Variants in EED observed in about 807,000 individuals in gnomAD.
EED encodes the protein polycomb protein EED.
A neutral mutation model predicts 61.0 loss-of-function variants in EED; 9 were observed. The ratio of observed to expected loss-of-function variants is 0.15; its 90% CI spans 0.09 to 0.26. EED has a LOEUF of 0.26. Among genes scored for constraint, EED ranks in the 10% least tolerant of loss-of-function variants. EED has a pLI of 1.00. For synonymous variants in EED, 187 were observed against 174.4 expected (o/e 1.07, Z -0.57); for missense variants, 315 against 542.3 (o/e 0.58, Z 4.16).
downstream of EED, among the ~76,000 whole-genome samples, chr11:86,281,242 A>G (rs1469633292): frequency 6.6e-6 from 1 of 152,174 alleles, no homozygotes; most frequent in Non-Finnish European, 1.5e-5. Context: ...AATTCTTTAA[A>G]TGTTTAATAG....
intron 9 of EED, among the ~76,000 whole-genome samples, chr11:86,271,434 C>CTA (rs1191891534): frequency 6.6e-6 from 1 of 152,178 alleles, no homozygotes; most frequent in Non-Finnish European, 1.5e-5. Flanking sequence ...TCTCTGTAGA[C>CTA]TATCATGTGA....
rs546151200 is a variant in EED at position 86,245,426 on chromosome 11, G to A, written c.114+83G>A. The A allele has an allele frequency of 3.1e-4, 365 of 1,162,148 alleles. 6 individuals are homozygous for A. The South Asian group carries it at 4.7e-3, about 15-fold the overall frequency. 72.0% of individuals were successfully genotyped at this position (1,162,148 alleles called of 1,614,324 possible). ...AAACGGGGGGCGCGGGGACGAGCGGGCTGCTGTGGGGGGAGGGAGAGGTGT... is the reference window on the plus strand; with the variant it reads ...AAACGGGGGGCGCGGGGACGAGCGGACTGCTGTGGGGGGAGGGAGAGGTGT... On this transcript the variant is annotated intron_variant, in intron 1 of 11. Transcript: ENST00000263360.
chr11:86,260,070 C>T (rs1945787844), intron 6 of EED, among the ~76,000 whole-genome samples: 1 of 152,112 alleles, frequency 6.6e-6, no homozygotes, highest in Non-Finnish European at 1.5e-5. Flanking sequence ...AAAGCTTGTA[C>T]AAAATTGAAA....
At chr11:86,287,040 G>A in the EED span, among the ~76,000 whole-genome samples, 12 of 144,862 alleles carry the variant, frequency 8.3e-5, no homozygotes, top group African/African-American at 3.0e-4. Flanking sequence ...CATATAGAAA[G>A]TCCCATGAAA....
At chr11:86,246,866 A>T (rs1341758339) in intron 1 of EED, among the ~76,000 whole-genome samples, 2 of 152,188 alleles carry the variant, frequency 1.3e-5, no homozygotes, top group African/African-American at 4.8e-5. Context: ...AAAAATGAGG[A>T]TGGTGGTGTA....
At chr11:86,279,545 A>G (rs549212522), downstream of EED, among the ~76,000 whole-genome samples, 51 of 152,364 alleles carry the variant, frequency 3.3e-4, no homozygotes, top group African/African-American at 1.1e-3. Context: ...CTTGAAGCAG[A>G]GGAGTGAAGA....
At chr11:86,262,155 T>A (rs1432686230) in intron 6 of EED, among the ~76,000 whole-genome samples, 1 of 152,168 alleles carries the variant, frequency 6.6e-6, no homozygotes, top group Non-Finnish European at 1.5e-5. Context: ...GTGTTGGGAT[T>A]ACAGGTGTGA....
At position 86,250,468 on chromosome 11, in the gene EED, C is replaced by G. The variant is rs144648188; in HGVS notation, c.267+20C>G. The G allele has an allele frequency of 2.0e-3, 3,019 of 1,542,076 alleles. 4 individuals are homozygous for G. Among genetic ancestry groups the G allele is most frequent in the Non-Finnish European group, 2.5e-3 (2,824 of 1,146,008 alleles). ...CTCAAGGTATGTGCAAAAAAAGATC[C>G]TTTGGGCTGAATGCTAGGCTTCAGA... On this transcript the variant is annotated intron_variant, in intron 2 of 11. Transcript: ENST00000263360.
intron 9 of EED, among the ~76,000 whole-genome samples, chr11:86,271,958 G>GT (rs1946122397): frequency 1.6e-5 from 2 of 127,832 alleles, no homozygotes; most frequent in African/African-American, 2.9e-5. Flanking sequence ...TTTTGGTACT[G>GT]TTTTTTCTGG....
At chr11:86,272,533 C>T (rs1336555275) in intron 9 of EED, among the ~76,000 whole-genome samples, 2 of 152,110 alleles carry the variant, frequency 1.3e-5, no homozygotes, top group African/African-American at 2.4e-5. Context: ...TTGATGATGT[C>T]GAATTCTTCT....
chr11:86,272,428 A>C (rs1946139690), intron 9 of EED, among the ~76,000 whole-genome samples: 1 of 151,978 alleles, frequency 6.6e-6, no homozygotes, highest in Non-Finnish European at 1.5e-5. Context: ...AGTTTTTGAG[A>C]ATTTGTTTTA....
chr11:86,281,292 G>A (rs762702769), downstream of EED, among the ~76,000 whole-genome samples: 2 of 152,204 alleles, frequency 1.3e-5, no homozygotes, highest in Non-Finnish European at 2.9e-5. Context: ...TTTGATGAGA[G>A]ACTTGGTGTA....
chr11:86,257,440 A>G (rs1415970123), intron 5 of EED, 75 bp from the exon 6 acceptor site: 33 of 1,194,662 alleles, frequency 2.8e-5, no homozygotes, highest in Non-Finnish European at 3.7e-5. Flanking sequence ...CTATTTTTAC[A>G]TTCTCTAAAG....
intron 6 of EED, among the ~76,000 whole-genome samples, chr11:86,260,097 A>G (rs75431826): frequency 0.031 from 4,760 of 152,348 alleles, 243 homozygotes; most frequent in African/African-American, 0.11. Flanking sequence ...AATCATTTTT[A>G]CAGCACTGTT....
chr11:86,246,150 G>C (rs1205430597), intron 1 of EED, among the ~76,000 whole-genome samples: 1 of 152,128 alleles, frequency 6.6e-6, no homozygotes, highest in Non-Finnish European at 1.5e-5. Flanking sequence ...GTAATCATTC[G>C]GTACCAACAT....
chr11:86,256,359 T>G, intron 4 of EED, 28 bp from the exon 5 acceptor site: 2 of 1,507,654 alleles, frequency 1.3e-6, no homozygotes, highest in Non-Finnish European at 1.8e-6. Context: ...TCAAAAACAT[T>G]ATGTTTCTTA....
chr11:86,283,498 G>A (rs1209971355), downstream of EED, among the ~76,000 whole-genome samples: 1 of 152,154 alleles, frequency 6.6e-6, no homozygotes, highest in Admixed American at 6.5e-5. Flanking sequence ...TGAGAGCAGG[G>A]TTTTTATTTC....
intron 6 of EED, among the ~76,000 whole-genome samples, chr11:86,261,888 C>T (rs1040011133): frequency 2.0e-5 from 3 of 152,160 alleles, no homozygotes; most frequent in Admixed American, 6.5e-5. Flanking sequence ...AAACCTTGCC[C>T]TCAAGGTCTT....
chr11:86,257,774 A>G (rs1945715430), intron 6 of EED, among the ~76,000 whole-genome samples, 178 bp downstream of exon 6: 1 of 152,234 alleles, frequency 6.6e-6, no homozygotes, highest in African/African-American at 2.4e-5. Flanking sequence ...AAAGGCCATC[A>G]CAGCCTTACA....
Sources: allele counts gnomAD v4.1 joint callset (sites outside exome capture counted in the v4.1 genomes callset), GRCh38; gene constraint gnomAD v4.1.1; transcripts MANE v1.5; gene names NCBI Gene and HGNC (gene_info 2026-07-23, HGNC 2026-07-21).